KATNAL2: variants seen among roughly 807,000 people sequenced by gnomAD.
The protein encoded by KATNAL2 is katanin p60 ATPase-containing subunit A-like 2.
KATNAL2 carries 52 observed loss-of-function variants against 76.3 expected under a neutral mutation model. The observed-to-expected ratio is 0.68, with a 90% confidence interval of 0.55 to 0.86. The LOEUF is 0.86. Among genes scored for constraint, KATNAL2 ranks in the 40% least tolerant of loss-of-function variants. The pLI is 0.00. For missense variants in KATNAL2, 660 were observed against 668.9 expected (o/e 0.99, Z 0.15); for synonymous variants, 243 against 244.2 (o/e 1.00, Z 0.05).
chr18:46,947,051 G>A, intron 3 of KATNAL2, 128 bp downstream of exon 3: 1 of 718,096 alleles, frequency 1.4e-6, no homozygotes, highest in Admixed American at 2.1e-5. Context: ...AACGCAGTGA[G>A]AGGCGCTCGG....
At chr18:47,092,077 T>A (rs751140407) in intron 15 of KATNAL2, among the ~76,000 whole-genome samples, 3 of 132,318 alleles carry the variant, frequency 2.3e-5, no homozygotes, top group Non-Finnish European at 5.2e-5. Flanking sequence ...TAATTACATA[T>A]AAGGAAGAGG....
intron 3 of KATNAL2, chr18:47,035,417 C>G: frequency 6.8e-7 from 1 of 1,463,240 alleles, no homozygotes; most frequent in Non-Finnish European, 9.1e-7. Flanking sequence ...GAGCTGGGTC[C>G]TCGGAGCAGC....
intron 3 of KATNAL2, among the ~76,000 whole-genome samples, chr18:47,038,171 G>A (rs1361129538): frequency 1.3e-5 from 2 of 152,216 alleles, no homozygotes; most frequent in Non-Finnish European, 2.9e-5. Context: ...GAGTAAGCCT[G>A]TCTTTTAGGC....
At chr18:47,075,210 A>G in intron 13 of KATNAL2, 67 bp from the exon 14 acceptor site, 7 of 1,277,708 alleles carry the variant, frequency 5.5e-6, no homozygotes, top group Non-Finnish European at 7.4e-6. Context: ...CTAAGTTTTT[A>G]CTCTGGGAGC....
At chr18:47,073,213 G>A (rs1427065153) in intron 13 of KATNAL2, among the ~76,000 whole-genome samples, 1 of 152,138 alleles carries the variant, frequency 6.6e-6, no homozygotes, top group East Asian at 1.9e-4. Context: ...ATACCAAAAA[G>A]TAATAGTGTA....
intron 3 of KATNAL2, among the ~76,000 whole-genome samples, chr18:47,031,793 A>T (rs771502279): frequency 4.6e-5 from 7 of 152,018 alleles, no homozygotes; most frequent in Non-Finnish European, 8.8e-5. Context: ...TGAGTTTTAT[A>T]TGGTTACTGG....
chr18:47,077,478 G>T lies in KATNAL2; in HGVS notation c.1211+17G>T. 1 of 1,577,464 alleles carries T rather than the reference G, an allele frequency of 6.3e-7. No individual in the cohort carries two copies. Among genetic ancestry groups the T allele is most frequent in the Non-Finnish European group, 8.7e-7 (1 of 1,146,866 alleles). On this transcript the variant is annotated intron_variant, in intron 15 of 17. Transcript: ENST00000683218. ...CCTGCCGTGGTAAGAGACCAAGAGA[G>T]TAAATTTTGAATACATTTTCAGGAG... is the stretch of plus-strand genomic sequence containing the variant.
At chr18:47,033,621 T>C (rs2060600893) in intron 3 of KATNAL2, 1 of 1,614,062 alleles carries the variant, frequency 6.2e-7, no homozygotes, top group South Asian at 1.1e-5. Flanking sequence ...AGGGGACCTC[T>C]CCCACGTCGC....
chr18:47,031,639 C>G (rs868431193), intron 3 of KATNAL2, among the ~76,000 whole-genome samples: 2 of 152,128 alleles, frequency 1.3e-5, no homozygotes, highest in Admixed American at 6.5e-5. Flanking sequence ...TTCTTCAGAG[C>G]TAGAATGAGG....
At chr18:46,955,140 CTCTTTCTTTCTTTCTTTCTT>C (rs71162828) in intron 3 of KATNAL2, among the ~76,000 whole-genome samples, 3 of 85,020 alleles carry the variant, frequency 3.5e-5, no homozygotes, top group Non-Finnish European at 7.0e-5. Context: ...CTTTCTCTCT[CTCTTTCTTTCTTTCTTTCTT>C]TCTTTCTTTC....
chr18:47,062,847 G>A (rs914999350), intron 8 of KATNAL2, 125 bp from the exon 9 acceptor site: 4 of 610,488 alleles, frequency 6.6e-6, no homozygotes, highest in Admixed American at 3.1e-5. Flanking sequence ...TCTTTTTAAA[G>A]CTTAACTTGA....
intron 3 of KATNAL2, among the ~76,000 whole-genome samples, chr18:46,957,647 C>G (rs1299882590): frequency 6.9e-6 from 1 of 144,702 alleles, no homozygotes; most frequent in Non-Finnish European, 1.5e-5. Context: ...ACTGAAACCT[C>G]TGCCTCCCAG....
At chr18:46,954,750 T>C (rs1156819129) in intron 3 of KATNAL2, among the ~76,000 whole-genome samples, 1 of 151,932 alleles carries the variant, frequency 6.6e-6, no homozygotes, top group Non-Finnish European at 1.5e-5. Context: ...TTCAAGCAAT[T>C]CTCCCACCTC....
At chr18:47,097,381 G>C (rs1568029030) in intron 15 of KATNAL2, among the ~76,000 whole-genome samples, 1 of 152,168 alleles carries the variant, frequency 6.6e-6, no homozygotes. Flanking sequence ...CACACCGACA[G>C]TGAGATACAC....
chr18:47,055,984 A>G (rs1343312996), intron 6 of KATNAL2, among the ~76,000 whole-genome samples: 1 of 152,248 alleles, frequency 6.6e-6, no homozygotes, highest in African/African-American at 2.4e-5. Flanking sequence ...CGGACAATTT[A>G]TACTCAAATA....
chr18:47,095,439 A>G (rs191150352), intron 15 of KATNAL2, among the ~76,000 whole-genome samples: 62 of 152,264 alleles, frequency 4.1e-4, no homozygotes, highest in Non-Finnish European at 2.1e-4. Flanking sequence ...TGATGGTTTT[A>G]TAAGTGCTCA....
At chr18:47,091,670 C>T (rs2063005433) in intron 15 of KATNAL2, among the ~76,000 whole-genome samples, 1 of 152,108 alleles carries the variant, frequency 6.6e-6, no homozygotes, top group Non-Finnish European at 1.5e-5. Context: ...AAATCTCTTG[C>T]TTTAGGGCAT....
intron 3 of KATNAL2, among the ~76,000 whole-genome samples, chr18:46,948,599 G>A (rs977993479): frequency 2.1e-4 from 32 of 151,722 alleles, no homozygotes; most frequent in Non-Finnish European, 3.5e-4. Flanking sequence ...TAATTTGTTT[G>A]TTTGTTTTAG....
At position 47,067,017 on chromosome 18, in the gene KATNAL2, G is replaced by T. The variant is rs1473144146; in HGVS notation, c.727-4G>T. On this transcript the variant is annotated splice_region_variant and splice_polypyrimidine_tract_variant and intron_variant, in intron 10 of 17. Coordinates refer to ENST00000683218, the MANE Select transcript of KATNAL2 (RefSeq NM_001387690.1). ...TTAAAAAAATGATCAAATGTGCATT[G>T]CAGGACATTTATCTCCATAATCCAA... is the stretch of plus-strand genomic sequence containing the variant. 3 of 1,560,572 alleles carry T rather than the reference G, an allele frequency of 1.9e-6. No individual in the cohort carries two copies. Among genetic ancestry groups the T allele is most frequent in the Middle Eastern group, 1.7e-4 (1 of 5,916 alleles).
Sources: allele counts gnomAD v4.1 joint callset (sites outside exome capture counted in the v4.1 genomes callset), GRCh38; gene constraint gnomAD v4.1.1; transcripts MANE v1.5; gene names NCBI Gene and HGNC (gene_info 2026-07-23, HGNC 2026-07-21).